SLC6A17: variants seen among roughly 807,000 people sequenced by gnomAD.
SLC6A17 encodes solute carrier family 6 member 17.
SLC6A17 carries 21 observed loss-of-function variants against 64.5 expected under a neutral mutation model. That is an observed-to-expected ratio of 0.33 (90% CI 0.23 to 0.47). The LOEUF (loss-of-function observed/expected upper bound fraction) is 0.47. Ranked by LOEUF, SLC6A17 falls within the 20% of genes least tolerant of loss-of-function variation. SLC6A17 has a pLI of 1.00. For missense variants in SLC6A17, 682 were observed against 963.2 expected, an observed-to-expected ratio of 0.71 and a Z score of 3.86; for synonymous variants, 372 against 399.5, an observed-to-expected ratio of 0.93 and a Z score of 0.82.
In SLC6A17 at chr1:110,199,883, G is replaced by C. The variant is rs1369662157; in HGVS notation, c.*1439G>C. 2 of 392,622 alleles carry C rather than the reference G, an allele frequency of 5.1e-6. No individual in the cohort carries two copies. The highest frequency in any genetic ancestry group is 6.4e-4 in the Middle Eastern group (1 of 1,564). The allele number at this position is 392,622 out of a possible 1,614,324, so 24.3% of individuals were successfully genotyped here. On this transcript the variant is annotated 3_prime_UTR_variant, in exon 12 of 12. Coordinates refer to ENST00000331565, the MANE Select transcript of SLC6A17 (RefSeq NM_001010898.4). ...TAGATGGATGGATGGGTTGGGGAGT[G>C]GGGGTGGATGGATGGATAGATGGAT...
rs1240621085 is a variant in SLC6A17 at position 110,192,130 on chromosome 1, C to T, written c.1023C>T (p.Phe341=). 1 of 1,614,208 alleles carries T rather than the reference C, an allele frequency of 6.2e-7. No individual in the cohort carries two copies. The highest frequency in any genetic ancestry group is 8.5e-7 in the Non-Finnish European group (1 of 1,180,038). The change falls in exon 7 of 12, where the codon TTC becomes TTT. Residue 341 remains phenylalanine (F), a synonymous_variant. Coordinates refer to ENST00000331565, the MANE Select transcript of SLC6A17 (RefSeq NM_001010898.4). The surrounding 1 kb of genome is among the most constrained non-coding windows in gnomAD (Gnocchi z 4.3). Reference sequence around the variant, plus strand: ...CCGCCCTGGTGTCCTTCATCAACTTCTTCACGTCAGTGTTGGCCACCCTCG... The same window carrying T: ...CCGCCCTGGTGTCCTTCATCAACTTTTTCACGTCAGTGTTGGCCACCCTCG... ...FDAALVSFIN[F]FTSVLATLVV... is the part of the protein sequence containing the mutation.
rs199584571 is a variant in SLC6A17, at chr1:110,198,044, C to A, written c.1816-32C>A. The A allele has an allele frequency of 1.2e-5, 19 of 1,578,148 alleles. No individual in the cohort carries two copies. In the African/African-American group the frequency reaches 2.3e-4, roughly 19 times the overall value. Reference sequence around the variant, plus strand: ...TGGGCGGGGAGGGCTGTCACAGTGCCGGCAGCAGCCCTTAAGGCAGCCCAC... The same window carrying A: ...TGGGCGGGGAGGGCTGTCACAGTGCAGGCAGCAGCCCTTAAGGCAGCCCAC... On this transcript the variant is annotated intron_variant, in intron 11 of 11. Transcript: ENST00000331565.
intron 2 of SLC6A17, among the ~76,000 whole-genome samples, chr1:110,171,143 G>A (rs1004322222): frequency 6.6e-6 from 1 of 152,190 alleles, no homozygotes; most frequent in Non-Finnish European, 1.5e-5. Flanking sequence ...GTAGCTGGGG[G>A]CTTCTGGAGG....
intron 5 of SLC6A17, among the ~76,000 whole-genome samples, chr1:110,175,434 T>C (rs755013587): frequency 2.0e-5 from 3 of 152,168 alleles, no homozygotes; most frequent in Non-Finnish European, 4.4e-5. Context: ...GGCAGCTCCA[T>C]AGCAGTCTCT....
chr1:110,191,086 C>A (rs561647213), intron 6 of SLC6A17, among the ~76,000 whole-genome samples: 2 of 152,258 alleles, frequency 1.3e-5, no homozygotes, highest in East Asian at 3.9e-4. Flanking sequence ...ACATTTGATC[C>A]TCACGTTCAC....
chr1:110,171,277 C>G (rs1477267948), intron 2 of SLC6A17, among the ~76,000 whole-genome samples: 1 of 152,178 alleles, frequency 6.6e-6, no homozygotes, highest in Non-Finnish European at 1.5e-5. Context: ...GTTGTTGGCA[C>G]AGCTCTCAGC....
intron 6 of SLC6A17, chr1:110,177,675 C>G (rs1226746315): frequency 6.6e-6 from 1 of 152,300 alleles, no homozygotes; most frequent in East Asian, 1.9e-4. Flanking sequence ...AGCCCATGGG[C>G]ACAGGGTCAG....
Position 110,192,279 on chromosome 1 carries a change from T to C in SLC6A17, c.1106+66T>C. On this transcript the variant is annotated intron_variant, in intron 7 of 11. Transcript: ENST00000331565. The surrounding 1 kb of genome is among the most constrained non-coding windows in gnomAD (Gnocchi z 4.3). ...TACCTTACCTGGGAGTGGGCAGGGG[T>C]GGGGGCGCAGGTGTGCATGGGGAGA... 1 of 1,564,460 alleles carries C rather than the reference T, an allele frequency of 6.4e-7. No homozygotes were observed. The highest frequency in any genetic ancestry group is 8.7e-7 in the Non-Finnish European group (1 of 1,152,096).
At chr1:110,180,583 A>G (rs956431361) in intron 6 of SLC6A17, among the ~76,000 whole-genome samples, 1 of 151,976 alleles carries the variant, frequency 6.6e-6, no homozygotes, top group Non-Finnish European at 1.5e-5. Context: ...GGGTAGGCCG[A>G]CTCTCAGAAA....
chr1:110,157,223 T>C (rs938621182), intron 1 of SLC6A17, among the ~76,000 whole-genome samples: 2 of 152,174 alleles, frequency 1.3e-5, no homozygotes, highest in African/African-American at 2.4e-5. Context: ...CCATCATCGC[T>C]TACCTACCCT....
Position 110,167,042 on chromosome 1 carries a change from T to C in SLC6A17, c.113T>C (p.Leu38Pro). Residue 38 changes from leucine to proline, a missense_variant, in exon 2 of 12, where the codon CTG becomes CCG. Physicochemically the swap from Leu to Pro is moderately conservative, Grantham distance 98 (BLOSUM62 -3). Around this residue, in one of 3 missense-constraint regions of SLC6A17, gnomAD observed 415 missense variants for 603.8 expected, o/e 0.69. Coordinates refer to ENST00000331565, the MANE Select transcript of SLC6A17 (RefSeq NM_001010898.4). ...EEPVDYKQSVLNVAGEAGGKQ... is the reference protein window; with the variant it reads ...EEPVDYKQSVPNVAGEAGGKQ... ...CCTGTGGACTATAAGCAGAGTGTAC[T>C]GAATGTGGCTGGTGAGGCAGGCGGC... 6.2e-7 allele frequency: 1 copy of C among 1,612,414 alleles called. No individual in the cohort carries two copies. The highest frequency in any genetic ancestry group is 1.1e-5 in the South Asian group (1 of 90,820).
rs971585473 is a variant in SLC6A17 at position 110,155,479 on chromosome 1, T to A, written c.-88+4596T>A. On this transcript the variant is annotated intron_variant, in intron 1 of 11. Transcript: ENST00000331565. The stretch of plus-strand genomic sequence containing the variant: ...AGAGAATAATTCTGGGTCAGGTGAG[T>A]TCTAGGCTGCCTGAGTCCCTAACTA... Among the ~76,000 whole-genome samples, 9 of 152,278 alleles carry A rather than the reference T, an allele frequency of 5.9e-5. No homozygotes were observed. The East Asian group carries it at 1.7e-3, about 29-fold the overall frequency.
chr1:110,187,758 C>A (rs1388836289), intron 6 of SLC6A17, among the ~76,000 whole-genome samples: 1 of 152,208 alleles, frequency 6.6e-6, no homozygotes, highest in Non-Finnish European at 1.5e-5. Context: ...AGCCAGCATG[C>A]CTTCCAGGCA....
intron 1 of SLC6A17, among the ~76,000 whole-genome samples, chr1:110,155,871 G>T (rs967399142): frequency 6.6e-6 from 1 of 152,144 alleles, no homozygotes; most frequent in Admixed American, 6.5e-5. Context: ...GGTTCCTGAG[G>T]CTTTAAATCC....
intron 1 of SLC6A17, among the ~76,000 whole-genome samples, chr1:110,160,878 CTGA>C (rs1302409903): frequency 1.3e-5 from 2 of 152,056 alleles, no homozygotes; most frequent in Non-Finnish European, 2.9e-5. Flanking sequence ...GAAGATGCCA[CTGA>C]AGGCAATGTG....
In SLC6A17 at chr1:110,168,240, C is replaced by T. The variant is rs199860643; in HGVS notation, c.286+1025C>T. 4 of 152,260 alleles carry T rather than the reference C, an allele frequency of 2.6e-5. No homozygotes were observed. In the East Asian group the frequency reaches 7.7e-4, roughly 29 times the overall value. The allele number at this position is 152,260 out of a possible 1,614,324, so 9.4% of individuals were successfully genotyped here. On this transcript the variant is annotated intron_variant, in intron 2 of 11. Transcript: ENST00000331565. ...CATGCTCCAGCCTGTTGGGTGGCCCCAGCTTGGCAGGCATTTTACCCCAGT... is the reference window on the plus strand; with the variant it reads ...CATGCTCCAGCCTGTTGGGTGGCCCTAGCTTGGCAGGCATTTTACCCCAGT...
chr1:110,176,273 T>A (rs969351104), intron 5 of SLC6A17, among the ~76,000 whole-genome samples: 3 of 151,908 alleles, frequency 2.0e-5, no homozygotes, highest in African/African-American at 7.3e-5. Context: ...GGGAGATCCT[T>A]AGGGGGCCCA....
rs149438622 is a variant in SLC6A17, at chr1:110,159,920, A to G, written c.-87-6923A>G. The stretch of plus-strand genomic sequence containing the variant: ...TCAATTCCATCATATCATATTTATC[A>G]TGCTCATATTATGATAAGATACCAG... On this transcript the variant is annotated intron_variant, in intron 1 of 11. Coordinates refer to ENST00000331565, the MANE Select transcript of SLC6A17 (RefSeq NM_001010898.4). 1.2e-3 allele frequency among the ~76,000 whole-genome samples: 183 copies of G among 152,334 alleles called. 2 individuals carry two copies. The highest frequency in any genetic ancestry group is 4.1e-3 in the African/African-American group (171 of 41,576).
In SLC6A17 at chr1:110,174,832, G is replaced by A. The variant is rs1656329590; in HGVS notation, c.625G>A (p.Glu209Lys). 14 of 1,614,214 alleles carry A rather than the reference G, an allele frequency of 8.7e-6. No homozygotes were observed. Among genetic ancestry groups the A allele is most frequent in the Non-Finnish European group, 1.1e-5 (13 of 1,180,046 alleles). ...AGCCACTACCTACTTCTGGTACCGA[G>A]AGGCCTTGGACATCTCTGACTCCAT... is the stretch of plus-strand genomic sequence containing the variant. ...SSATTYFWYR[E>K]ALDISDSISE... The change falls in exon 5 of 12, where the codon GAG becomes AAG. Residue 209 changes from glutamate (E) to lysine (K), a missense_variant. Physicochemically the swap from Glu to Lys is moderately conservative, Grantham distance 56. Transcript: ENST00000331565.
Sources: gnomAD v4.1 joint callset for allele counts (sites outside exome capture counted in the v4.1 genomes callset) on GRCh38, gnomAD v4.1.1 for gene constraint, gnomAD v4.1.1 regional missense constraint, Gnocchi (gnomAD v3.1) non-coding constraint, MANE v1.5 for transcripts, NCBI Gene and HGNC (gene_info 2026-07-23, HGNC 2026-07-21) for gene names.